TRPM1: variants seen among roughly 807,000 people sequenced by gnomAD.
The protein encoded by TRPM1 is transient receptor potential cation channel subfamily M member 1.
TRPM1 carries 113 observed loss-of-function variants against 149.4 expected under a neutral mutation model. The observed-to-expected ratio is 0.76, with a 90% CI of 0.65 to 0.88. The LOEUF is 0.88. Ranked by LOEUF, TRPM1 falls within the 40% of genes least tolerant of loss-of-function variation. The probability of loss-of-function intolerance (pLI) is 0.00; values close to 1 mark genes in which losing one functional copy is unlikely to be tolerated. For missense variants in TRPM1, 1,976 were observed against 2,038.7 expected (o/e 0.97, Z 0.59); for synonymous variants, 741 against 759.5 (o/e 0.98, Z 0.40).
At chr15:31,090,769 TA>T (rs974456723) in intron 1 of TRPM1, among the ~76,000 whole-genome samples, 1 of 151,992 alleles carries the variant, frequency 6.6e-6, no homozygotes, top group African/African-American at 2.4e-5. Context: ...GCTCTTTTTT[TA>T]AAAAAAATAC....
At chr15:31,072,018 T>TATATATATATAGAG (rs1400392427) in intron 3 of TRPM1, among the ~76,000 whole-genome samples, 2 of 36,910 alleles carry the variant, frequency 5.4e-5, no homozygotes, top group African/African-American at 2.2e-4. Context: ...TATATATATA[T>TATATATATATAGAG]AGAGAGAGAG....
At chr15:31,087,231 A>ATTTTTTTTTTTTTTTTT (rs58872566) in intron 1 of TRPM1, among the ~76,000 whole-genome samples, 1 of 59,402 alleles carries the variant, frequency 1.7e-5, no homozygotes, top group African/African-American at 7.1e-5. Flanking sequence ...CTCAATAGGG[A>ATTTTTTTTTTTTTTTTT]TTTTTTTTTT....
chr15:31,157,911 A>T (rs2036398046), intron 1 of TRPM1, among the ~76,000 whole-genome samples: 1 of 152,120 alleles, frequency 6.6e-6, no homozygotes, highest in Non-Finnish European at 1.5e-5. Context: ...GGTGTGTTTC[A>T]ACAAACACGG....
At chr15:31,133,534 A>G (rs2036049089) in intron 1 of TRPM1, among the ~76,000 whole-genome samples, 1 of 152,158 alleles carries the variant, frequency 6.6e-6, no homozygotes, top group African/African-American at 2.4e-5. Context: ...CGTCTCTACA[A>G]AAAATTAGCC....
chr15:31,038,940 A>C (rs1263347639), intron 18 of TRPM1, among the ~76,000 whole-genome samples: 1 of 152,006 alleles, frequency 6.6e-6, no homozygotes, highest in Non-Finnish European at 1.5e-5. Flanking sequence ...CGGCCTAGAC[A>C]ACAAAAGGAT....
chr15:31,062,508 T>C, intron 9 of TRPM1, 71 bp downstream of exon 9: 2 of 1,590,932 alleles, frequency 1.3e-6, no homozygotes, highest in Non-Finnish European at 1.7e-6. Flanking sequence ...CATGCACACA[T>C]GGGCGGAATT....
intron 1 of TRPM1, among the ~76,000 whole-genome samples, chr15:31,086,277 C>T (rs12909039): frequency 0.45 from 68,211 of 152,024 alleles, 15,764 homozygotes; most frequent in East Asian, 0.75. Flanking sequence ...CCTCTAGCCC[C>T]TCAGGTGGAG....
chr15:31,037,610 A>T, intron 20 of TRPM1, 101 bp downstream of exon 20: 3 of 1,517,812 alleles, frequency 2.0e-6, no homozygotes, highest in Non-Finnish European at 2.7e-6. Context: ...AATTCAGTGA[A>T]TTTTTAGATA....
At chr15:31,158,626 C>CAAAA (rs749062439) in intron 1 of TRPM1, among the ~76,000 whole-genome samples, 2 of 59,778 alleles carry the variant, frequency 3.3e-5, no homozygotes, top group Non-Finnish European at 3.1e-5. Flanking sequence ...GACTCCATCT[C>CAAAA]AAAAAAAAAA....
chr15:31,096,068 GA>G (rs2035376720), intron 1 of TRPM1, among the ~76,000 whole-genome samples: 3 of 5,998 alleles, frequency 5.0e-4, no homozygotes. Context: ...AATAAAAATA[GA>G]AAAGAAAAGA....
At chr15:31,091,000 G>A (rs2035221782) in intron 1 of TRPM1, among the ~76,000 whole-genome samples, 1 of 152,228 alleles carries the variant, frequency 6.6e-6, no homozygotes, top group African/African-American at 2.4e-5. Flanking sequence ...ATGTCTAGCA[G>A]CGATTGTATT....
At chr15:31,061,958 G>A (rs1430260835) in intron 9 of TRPM1, among the ~76,000 whole-genome samples, 1 of 152,168 alleles carries the variant, frequency 6.6e-6, no homozygotes, top group Non-Finnish European at 1.5e-5. Flanking sequence ...AAAGTGCTGG[G>A]ATTACAGGTG....
intron 1 of TRPM1, among the ~76,000 whole-genome samples, chr15:31,159,452 A>T (rs2036418700): frequency 6.6e-6 from 1 of 152,300 alleles, no homozygotes; most frequent in Non-Finnish European, 1.5e-5. Flanking sequence ...GGCCAGTGGC[A>T]TGTCTCTTGT....
intron 1 of TRPM1, among the ~76,000 whole-genome samples, chr15:31,145,121 CT>C (rs1210343109): frequency 6.6e-6 from 1 of 152,196 alleles, no homozygotes; most frequent in Non-Finnish European, 1.5e-5. Context: ...AAACCAAAAA[CT>C]GCTCTGTTTC....
rs894502256 is a variant in TRPM1 at position 31,040,613 on chromosome 15, A to G, written c.2088-267T>C. ...GGTTGAGACCACATCTGCCCCTCAGACCCCAGGGACATAGAGACGAGAAGA... is the reference window on the plus strand; with the variant it reads ...GGTTGAGACCACATCTGCCCCTCAGGCCCCAGGGACATAGAGACGAGAAGA... On this transcript the variant is annotated intron_variant, in intron 17 of 27. Transcript: ENST00000256552. The surrounding 1 kb of genome is among the most constrained non-coding windows in gnomAD (Gnocchi z 4.2). Among the ~76,000 whole-genome samples the G allele has an allele frequency of 6.6e-6, 1 of 152,158 alleles. No homozygotes were observed. Among genetic ancestry groups the G allele is most frequent in the Non-Finnish European group, 1.5e-5 (1 of 68,030 alleles).
At chr15:31,064,434 G>C (rs537568997) in intron 7 of TRPM1, among the ~76,000 whole-genome samples, 1 of 152,202 alleles carries the variant, frequency 6.6e-6, no homozygotes, top group Non-Finnish European at 1.5e-5. Context: ...TGGGAAGCAA[G>C]AGGTGGCAGG....
intron 2 of TRPM1, among the ~76,000 whole-genome samples, chr15:31,079,279 CTA>C (rs2034793486): frequency 6.6e-6 from 1 of 152,212 alleles, no homozygotes; most frequent in South Asian, 2.1e-4. Context: ...CTCCCAGTTT[CTA>C]TGGACCAGGA....
intron 27 of TRPM1, among the ~76,000 whole-genome samples, chr15:31,007,865 C>G (rs2032053172): frequency 6.6e-6 from 1 of 152,160 alleles, no homozygotes; most frequent in Non-Finnish European, 1.5e-5. Context: ...TTCATCAGCA[C>G]TTTGTAGTTT....
chr15:31,105,797 C>CTGTGTGGTTA (rs1280819570), upstream of TRPM1, among the ~76,000 whole-genome samples: 1 of 152,186 alleles, frequency 6.6e-6, no homozygotes, highest in Non-Finnish European at 1.5e-5. Flanking sequence ...ATTCTACACA[C>CTGTGTGGTTA]TTGATACACA....
Sources: gnomAD v4.1 joint callset for allele counts (sites outside exome capture counted in the v4.1 genomes callset) on GRCh38, gnomAD v4.1.1 for gene constraint, Gnocchi (gnomAD v3.1) non-coding constraint, MANE v1.5 for transcripts, NCBI Gene and HGNC (gene_info 2026-07-23, HGNC 2026-07-21) for gene names.